The following NUP153 variants were observed in gnomAD, a reference collection of about 807,000 sequenced individuals.
NUP153 encodes the protein nuclear pore complex protein Nup153.
In NUP153, 27 loss-of-function variants were observed where a neutral mutation model predicts 134.6. That is an observed-to-expected ratio of 0.20 (90% CI 0.15 to 0.28). The LOEUF is 0.28. Ranked by LOEUF, NUP153 falls within the 10% of genes least tolerant of loss-of-function variation. NUP153 has a pLI of 1.00. For missense variants in NUP153, 1,821 were observed against 1,731.3 expected (o/e 1.05, Z -0.92); for synonymous variants, 640 against 623.5 (o/e 1.03, Z -0.40).
intron 11 of NUP153, among the ~76,000 whole-genome samples, chr6:17,659,871 A>G (rs1229594296): frequency 6.6e-6 from 1 of 152,226 alleles, no homozygotes; most frequent in Non-Finnish European, 1.5e-5. Context: ...TTGTATGATC[A>G]ATGGCATTCA....
intron 14 of NUP153, among the ~76,000 whole-genome samples, chr6:17,644,642 A>G (rs1004566087): frequency 2.6e-5 from 4 of 151,804 alleles, no homozygotes; most frequent in Admixed American, 6.6e-5. Context: ...GAAAACCACC[A>G]TTATAAAAAA....
rs1554136719 is a variant in NUP153, at chr6:17,628,619, A to AAAT, written c.3544+33_3544+35dup. The AAAT allele has an allele frequency of 3.8e-5, 44 of 1,158,638 alleles. No homozygotes were observed. Among genetic ancestry groups the AAAT allele is most frequent in the African/African-American group, 1.1e-4 (7 of 61,672 alleles). The allele number at this position is 1,158,638 out of a possible 1,614,324, so 71.8% of individuals were successfully genotyped here. ...GTAAAACGACAACTTGTAAAAAAAA[A>AAAT]AATAATAATAATAATAATAAAAAGT... On this transcript the variant is annotated intron_variant, in intron 18 of 21. Transcript: ENST00000262077. This position sits in a 1 kb window ranked among gnomAD's most constrained non-coding sequence, Gnocchi z 5.4.
chr6:17,623,793 T>A (rs1046579781), intron 20 of NUP153, among the ~76,000 whole-genome samples: 18 of 152,292 alleles, frequency 1.2e-4, no homozygotes, highest in Admixed American at 2.6e-4. Flanking sequence ...TCCATTTATA[T>A]AAAAGCAGGC....
rs750489930 is a variant in NUP153, at chr6:17,628,817, T to C, written c.3382A>G (p.Lys1128Glu). Reference sequence around the variant, plus strand: ...CCAAAGGAAAACACTGGTTGACACTTTGGCTCTTCATTGTCAGCTTTCTTC... The same window carrying C: ...CCAAAGGAAAACACTGGTTGACACTCTGGCTCTTCATTGTCAGCTTTCTTC... ...FGKKADNEEP[K>E]CQPVFSFGNS... The change falls in exon 18 of 22, where the codon AAG (lysine) becomes GAG (glutamate). Residue 1128 changes from lysine (K) to glutamate (E), a missense_variant. Transcript: ENST00000262077. This position sits in a 1 kb window ranked among gnomAD's most constrained non-coding sequence, Gnocchi z 5.4. The C allele has an allele frequency of 1.9e-6, 3 of 1,614,144 alleles. No individual in the cohort carries two copies. The highest frequency in any genetic ancestry group is 2.2e-5 in the South Asian group (2 of 91,084).
intron 18 of NUP153, 77 bp from the exon 19 acceptor site, chr6:17,626,241 T>A: frequency 9.1e-7 from 1 of 1,094,176 alleles, no homozygotes; most frequent in Non-Finnish European, 1.3e-6. Flanking sequence ...ACCCTACAAT[T>A]GCTAGAATTT....
At chr6:17,688,179 C>T (rs1259293007) in intron 2 of NUP153, among the ~76,000 whole-genome samples, 2 of 152,108 alleles carry the variant, frequency 1.3e-5, no homozygotes, top group Non-Finnish European at 2.9e-5. Flanking sequence ...CAAAATCCAA[C>T]ATCAGAGCTT....
intron 14 of NUP153, among the ~76,000 whole-genome samples, chr6:17,641,684 T>C (rs559626736): frequency 6.6e-4 from 101 of 151,990 alleles, no homozygotes; most frequent in African/African-American, 2.3e-3. Flanking sequence ...AAACCCCGTT[T>C]CTACTAAAAA....
Position 17,628,682 on chromosome 6 carries a change from A to G in NUP153, c.3517T>C (p.Phe1173Leu), listed in dbSNP as rs1191647518. The G allele has an allele frequency of 3.1e-6, 5 of 1,606,782 alleles. No homozygotes were observed. Among genetic ancestry groups the G allele is most frequent in the Non-Finnish European group, 4.3e-6 (5 of 1,175,994 alleles). Residue 1173 changes from phenylalanine (F) to leucine (L), a missense_variant, in exon 18 of 22, where the codon TTT becomes CTT. Coordinates refer to ENST00000262077, the MANE Select transcript of NUP153 (RefSeq NM_005124.4). This position sits in a 1 kb window ranked among gnomAD's most constrained non-coding sequence, Gnocchi z 5.4. ...GCTGTAGTACTAGTTTGAGCTCCAA[A>G]GGCAAAAGTGGCTTTTGCTGGCTGT... ...SEQPAKATFA[F>L]GAQTSTTADQ...
intron 5 of NUP153, among the ~76,000 whole-genome samples, chr6:17,671,354 TACA>T (rs1767897911): frequency 1.3e-5 from 2 of 152,194 alleles, no homozygotes; most frequent in African/African-American, 4.8e-5. Context: ...TCTCCTACTA[TACA>T]TAAGAGTTTG....
intron 11 of NUP153, among the ~76,000 whole-genome samples, chr6:17,653,166 T>G (rs886603158): frequency 2.6e-5 from 4 of 151,408 alleles, no homozygotes; most frequent in Non-Finnish European, 4.4e-5. Context: ...CACGGGAGAG[T>G]TGCTTGAACT....
At chr6:17,695,105 G>A (rs1322439979) in intron 1 of NUP153, among the ~76,000 whole-genome samples, 1 of 152,176 alleles carries the variant, frequency 6.6e-6, no homozygotes, top group Non-Finnish European at 1.5e-5. Context: ...ATCAATAAAT[G>A]CTAAATCTAG....
At chr6:17,698,996 T>A in intron 1 of NUP153, among the ~76,000 whole-genome samples, 1 of 152,146 alleles carries the variant, frequency 6.6e-6, no homozygotes. Context: ...AGTTTGTTTC[T>A]TAAATCACAC....
chr6:17,639,572 C>A (rs1765734117), intron 15 of NUP153, among the ~76,000 whole-genome samples: 1 of 152,168 alleles, frequency 6.6e-6, no homozygotes, highest in Non-Finnish European at 1.5e-5. Flanking sequence ...TTCCACTTGG[C>A]CTTGTTCCAT....
At chr6:17,701,847 A>AGGGGGGGGGG (rs1554148736) in intron 1 of NUP153, among the ~76,000 whole-genome samples, 3 of 78,044 alleles carry the variant, frequency 3.8e-5, no homozygotes, top group Non-Finnish European at 5.9e-5. Context: ...GGGGGGGGAA[A>AGGGGGGGGGG]AAAGCTAAAT....
chr6:17,675,530 G>A lies in NUP153; in HGVS notation c.575C>T (p.Ser192Phe). The stretch of plus-strand genomic sequence containing the variant: ...CCACATGTCAAGAATACCTTTATCA[G>A]AAGCTCTTGAAGAAAAACCACTGGT... The part of the protein sequence containing the change: ...STTSGFSSRA[S>F]DKDITVSKNT... Residue 192 changes from serine (S) to phenylalanine (F), a missense_variant, in exon 3 of 22, where the codon TCT (serine) becomes TTT (phenylalanine). Coordinates refer to ENST00000262077, the MANE Select transcript of NUP153 (RefSeq NM_005124.4). The surrounding 1 kb of genome is among the most constrained non-coding windows in gnomAD (Gnocchi z 4.4). 6.2e-7 allele frequency: 1 copy of A among 1,613,840 alleles called. No individual in the cohort carries two copies. Among genetic ancestry groups the A allele is most frequent in the Non-Finnish European group, 8.5e-7 (1 of 1,179,822 alleles).
In NUP153 at chr6:17,688,488, T is replaced by C. The variant is rs1769080414; in HGVS notation, c.242A>G (p.Asn81Ser). Residue 81 changes from asparagine to serine, a missense_variant, in exon 2 of 22, where the codon AAT (asparagine) becomes AGT (serine). Physicochemically the swap from Asn to Ser is conservative, Grantham distance 46 (BLOSUM62 1). Coordinates refer to ENST00000262077, the MANE Select transcript of NUP153 (RefSeq NM_005124.4). ...DTSEVPRWPE[N>S]KEDHLVYADE... is the part of the protein sequence containing the mutation. ...GGCATATACCAGATGGTCCTCTTTATTTTCTGGCCAGCGTGGAACCTCGCT... is the reference window on the plus strand; with the variant it reads ...GGCATATACCAGATGGTCCTCTTTACTTTCTGGCCAGCGTGGAACCTCGCT... 1 of 1,614,206 alleles carries C rather than the reference T, an allele frequency of 6.2e-7. No homozygotes were observed. The highest frequency in any genetic ancestry group is 8.5e-7 in the Non-Finnish European group (1 of 1,180,032).
intron 16 of NUP153, 49 bp downstream of exon 16, chr6:17,637,104 G>A: frequency 6.6e-7 from 1 of 1,524,512 alleles, no homozygotes; most frequent in Non-Finnish European, 8.9e-7. Flanking sequence ...AAATTAAACT[G>A]TTCAACAGAA....
rs1764931046 is a variant in NUP153, at chr6:17,626,043, A to C, written c.3666T>G (p.Pro1222=). The change falls in exon 19 of 22, where the codon CCT becomes CCG. Residue 1222 remains proline (P), a synonymous_variant. Coordinates refer to ENST00000262077, the MANE Select transcript of NUP153 (RefSeq NM_005124.4). ...ACTGTCCAAACACAAAGGTAGCCACAGGTGGATTGGAGGAAGAGGTGGAAC... is the reference window on the plus strand; with the variant it reads ...ACTGTCCAAACACAAAGGTAGCCACCGGTGGATTGGAGGAAGAGGTGGAAC... ...FGSSTSSSNP[P]VATFVFGQSS... 8 of 1,614,092 alleles carry C rather than the reference A, an allele frequency of 5.0e-6. No homozygotes were observed. The highest frequency in any genetic ancestry group is 5.9e-6 in the Non-Finnish European group (7 of 1,180,040).
Position 17,665,299 on chromosome 6 carries a change from T to C in NUP153, c.1155A>G (p.Pro385=), listed in dbSNP as rs747255101. The part of the protein sequence containing the change: ...IATNRSVYFK[P]SLTPSGEFRK... ...TGAATTCACCAGAAGGAGTCAGAGA[T>C]GGTTTAAAATAAACACTTCGATTTG... Residue 385 remains proline (P), a synonymous_variant, in exon 9 of 22, where the codon CCA becomes CCG. Coordinates refer to ENST00000262077, the MANE Select transcript of NUP153 (RefSeq NM_005124.4). The C allele has an allele frequency of 6.8e-6, 11 of 1,612,772 alleles. No homozygotes were observed. The South Asian group carries it at 9.9e-5, about 14-fold the overall frequency.
Sources: gnomAD v4.1 joint callset for allele counts (sites outside exome capture counted in the v4.1 genomes callset) on GRCh38, gnomAD v4.1.1 for gene constraint, Gnocchi (gnomAD v3.1) non-coding constraint, MANE v1.5 for transcripts, NCBI Gene and HGNC (gene_info 2026-07-23, HGNC 2026-07-21) for gene names.